Variants in COL28A1 observed in about 807,000 individuals in gnomAD.
COL28A1 encodes the protein collagen type XXVIII alpha 1 chain, also known as collagen alpha-1(XXVIII) chain.
In COL28A1, 161 loss-of-function variants were observed where a neutral mutation model predicts 150.2. The observed-to-expected ratio is 1.07, with a 90% CI of 0.94 to 1.22. The LOEUF (loss-of-function observed/expected upper bound fraction) is 1.22. Among genes scored for constraint, COL28A1 ranks in the 50% most tolerant of loss-of-function variants. COL28A1 has a pLI of 0.00. For synonymous variants in COL28A1, 552 were observed against 469.7 expected (o/e 1.18, Z -2.26); for missense variants, 1,617 against 1,388.3 (o/e 1.16, Z -2.62).
chr7:7,354,389 G>T (rs1780301263), downstream of COL28A1, among the ~76,000 whole-genome samples: 2 of 152,186 alleles, frequency 1.3e-5, no homozygotes, highest in South Asian at 4.1e-4. Context: ...ATTGTGTGCA[G>T]TAAAGAATTC....
At chr7:7,522,214 A>G in intron 4 of COL28A1, 1 of 490,432 alleles carries the variant, frequency 2.0e-6, no homozygotes, top group Non-Finnish European at 3.7e-6. Context: ...CTAACAAAAT[A>G]TTATTAAATT....
Position 7,520,053 on chromosome 7 carries a change from T to C in COL28A1, c.813+9A>G. ...CGCTGGTTTAAAGAAAAGCTGTTTATTCATTTACCGGGTTTCCTTTTGGTC... is the reference window on the plus strand; with the variant it reads ...CGCTGGTTTAAAGAAAAGCTGTTTACTCATTTACCGGGTTTCCTTTTGGTC... On this transcript the variant is annotated intron_variant, in intron 6 of 34. Coordinates refer to ENST00000399429, the MANE Select transcript of COL28A1 (RefSeq NM_001037763.3). 7.8e-7 allele frequency: 1 copy of C among 1,274,262 alleles called. No homozygotes were observed. 78.9% of individuals were successfully genotyped at this position (1,274,262 alleles called of 1,614,324 possible).
chr7:7,432,620 T>A lies in COL28A1; in HGVS notation c.1929+12A>T, dbSNP rs773132357. The A allele has an allele frequency of 1.9e-6, 3 of 1,613,666 alleles. No homozygotes were observed. Among genetic ancestry groups the A allele is most frequent in the South Asian group, 2.2e-5 (2 of 91,052 alleles). ...AAAAAGGAGGGAGGGAAGAAAAAAATGTCCCACTTACAGGCACACCAGGAT... is the reference window on the plus strand; with the variant it reads ...AAAAAGGAGGGAGGGAAGAAAAAAAAGTCCCACTTACAGGCACACCAGGAT... On this transcript the variant is annotated intron_variant, in intron 24 of 34. Transcript: ENST00000399429.
the COL28A1 span, among the ~76,000 whole-genome samples, chr7:7,340,431 A>G: frequency 6.6e-6 from 1 of 152,102 alleles, no homozygotes; most frequent in Non-Finnish European, 1.5e-5. Context: ...GTTATTATTG[A>G]TGTCTAAACT....
intron 33 of COL28A1, among the ~76,000 whole-genome samples, chr7:7,362,967 G>A (rs562271677): frequency 6.6e-6 from 1 of 152,070 alleles, no homozygotes; most frequent in East Asian, 1.9e-4. Context: ...GCTCAGCACC[G>A]AGTCCCTTAT....
At chr7:7,461,284 G>T (rs551758049) in intron 15 of COL28A1, among the ~76,000 whole-genome samples, 7 of 152,196 alleles carry the variant, frequency 4.6e-5, no homozygotes, top group African/African-American at 1.7e-4. Context: ...CATCACTGGG[G>T]TCCTTGAGGA....
intron 1 of COL28A1, 77 bp from the exon 2 acceptor site, chr7:7,532,989 T>C: frequency 7.4e-7 from 1 of 1,345,610 alleles, no homozygotes; most frequent in Non-Finnish European, 9.6e-7. Flanking sequence ...GCCAGCAGGG[T>C]TGAAAACTGG....
chr7:7,425,125 T>C (rs1430048752), intron 25 of COL28A1, among the ~76,000 whole-genome samples: 2 of 152,102 alleles, frequency 1.3e-5, no homozygotes, highest in African/African-American at 4.8e-5. Flanking sequence ...AGCAGGAAGT[T>C]TTCATTCATT....
At chr7:7,379,750 T>C (rs180876908) in intron 30 of COL28A1, among the ~76,000 whole-genome samples, 1 of 152,344 alleles carries the variant, frequency 6.6e-6, no homozygotes, top group Non-Finnish European at 1.5e-5. Flanking sequence ...GGAACGTTCC[T>C]CTGCTCATTT....
chr7:7,524,250 C>G lies in COL28A1; in HGVS notation c.682-1G>C. 1 of 1,358,826 alleles carries G rather than the reference C, an allele frequency of 7.4e-7. No homozygotes were observed. The highest frequency in any genetic ancestry group is 1.2e-5 in the South Asian group (1 of 85,478). 84.2% of individuals were successfully genotyped at this position (1,358,826 alleles called of 1,614,324 possible). On this transcript the variant is annotated splice_acceptor_variant, in intron 3 of 34. Coordinates refer to ENST00000399429, the MANE Select transcript of COL28A1 (RefSeq NM_001037763.3). LOFTEE classifies it high-confidence loss of function. ...TTACCTTCTTTTCAAATAAGATATC[C>G]TACAAGGGAAAAAAGAATGAAGCAT...
At chr7:7,529,680 C>G (rs912702008) in intron 3 of COL28A1, among the ~76,000 whole-genome samples, 1 of 152,180 alleles carries the variant, frequency 6.6e-6, no homozygotes, top group African/African-American at 2.4e-5. Flanking sequence ...TGTGGCCAAA[C>G]AAGGAGCTGC....
chr7:7,525,217 G>A (rs1395048930), intron 3 of COL28A1, among the ~76,000 whole-genome samples: 1 of 152,166 alleles, frequency 6.6e-6, no homozygotes, highest in Non-Finnish European at 1.5e-5. Flanking sequence ...TAACACACTT[G>A]GGCTGCACCT....
chr7:7,392,442 A>G (rs2128294770), intron 27 of COL28A1, among the ~76,000 whole-genome samples: 1 of 152,148 alleles, frequency 6.6e-6, no homozygotes, highest in East Asian at 1.9e-4. Context: ...GAATCTGACT[A>G]TTATGTGCCT....
Position 7,400,115 on chromosome 7 carries a change from G to T in COL28A1, c.2136+17744C>A, listed in dbSNP as rs918010193. On this transcript the variant is annotated intron_variant, in intron 27 of 34. Transcript: ENST00000399429. ...AAGAATGGACCCAGAAGCAGTGAAAGGGCAAAGCCCCCTTCATGCTGATTT... is the reference window on the plus strand; with the variant it reads ...AAGAATGGACCCAGAAGCAGTGAAATGGCAAAGCCCCCTTCATGCTGATTT... Among the ~76,000 whole-genome samples, 53 of 152,192 alleles carry T rather than the reference G, an allele frequency of 3.5e-4. 1 individual carries two copies. Among genetic ancestry groups the T allele is most frequent in the African/African-American group, 1.3e-3 (53 of 41,444 alleles).
rs540585752 is a variant in COL28A1 at position 7,500,119 on chromosome 7, C to T, written c.1026+5895G>A. Among the ~76,000 whole-genome samples the T allele has an allele frequency of 8.5e-5, 13 of 152,238 alleles. No homozygotes were observed. The East Asian group carries it at 2.5e-3, about 29-fold the overall frequency. On this transcript the variant is annotated intron_variant, in intron 11 of 34. Transcript: ENST00000399429. ...ATGTTAGAAGAATGGTCAATGTTCC[C>T]GACTGTTACATCCTTCTCTCTGGTT...
rs1780443826 is a variant in COL28A1, at chr7:7,358,397, A to ACATGTATCCCAGAACTTAAAGTATAAT, written c.*235_*236insATTATACTTTAAGTTCTGGGATACATG. On this transcript the variant is annotated 3_prime_UTR_variant, in exon 35 of 35. Transcript: ENST00000399429. ...CTCTAAGTCTAAATCCTCAGCTCTG[A>ACATGTATCCCAGAACTTAAAGTATAAT]AACTTTTTAGTTGGGTGACAGTTGA... 2.4e-6 allele frequency: 1 copy of ACATGTATCCCAGAACTTAAAGTATAAT among 415,380 alleles called. No homozygotes were observed. Among genetic ancestry groups the ACATGTATCCCAGAACTTAAAGTATAAT allele is most frequent in the African/African-American group, 2.0e-5 (1 of 48,782 alleles). 25.7% of individuals were successfully genotyped at this position (415,380 alleles called of 1,614,324 possible).
At chr7:7,536,755 T>G (rs927049855), upstream of COL28A1, among the ~76,000 whole-genome samples, 7 of 152,232 alleles carry the variant, frequency 4.6e-5, no homozygotes, top group Non-Finnish European at 8.8e-5. Context: ...GCCATTTTAA[T>G]GTGTATGAAT....
At chr7:7,368,377 C>A (rs1405841330) in intron 33 of COL28A1, among the ~76,000 whole-genome samples, 3 of 97,648 alleles carry the variant, frequency 3.1e-5, no homozygotes, top group African/African-American at 1.4e-4. Context: ...TTAAAGACTC[C>A]CTTTGCCTAC....
chr7:7,436,717 G>C (rs868186660), intron 22 of COL28A1, among the ~76,000 whole-genome samples: 1 of 152,166 alleles, frequency 6.6e-6, no homozygotes, highest in African/African-American at 2.4e-5. Flanking sequence ...CAAATATTTC[G>C]ACTTTAAGAA....
Sources: allele counts gnomAD v4.1 joint callset (sites outside exome capture counted in the v4.1 genomes callset), GRCh38; gene constraint gnomAD v4.1.1; transcripts MANE v1.5; gene names NCBI Gene and HGNC (gene_info 2026-07-23, HGNC 2026-07-21).